Variants in CTNND2 observed in about 807,000 individuals in gnomAD.
The protein encoded by CTNND2 is catenin delta-2.
In CTNND2, 22 loss-of-function variants were observed where a neutral mutation model predicts 144.4. That is an observed-to-expected ratio of 0.15 (90% CI 0.11 to 0.22). CTNND2 has a LOEUF of 0.22. CTNND2 is among the 10% of genes least tolerant of loss of function. CTNND2 has a pLI of 1.00. For missense variants in CTNND2, 1,353 were observed against 1,618.8 expected (o/e 0.84, Z 2.82); for synonymous variants, 751 against 695.6 (o/e 1.08, Z -1.25).
intron 1 of CTNND2, among the ~76,000 whole-genome samples, chr5:11,829,048 T>C (rs556723447): frequency 6.6e-6 from 1 of 152,248 alleles, no homozygotes; most frequent in South Asian, 2.1e-4. Context: ...TAGAGATTTG[T>C]GGAACTTCGA....
chr5:11,029,190 G>A (rs1743186450), intron 16 of CTNND2, among the ~76,000 whole-genome samples: 1 of 152,150 alleles, frequency 6.6e-6, no homozygotes, highest in African/African-American at 2.4e-5. Context: ...TCTAAAGTAA[G>A]TTTTTTGTAG....
intron 3 of CTNND2, among the ~76,000 whole-genome samples, chr5:11,484,476 A>G (rs1768607391): frequency 1.3e-5 from 2 of 152,224 alleles, no homozygotes; most frequent in Admixed American, 6.5e-5. Context: ...ATATCCCTTT[A>G]GAGACAGCAC....
chr5:11,573,764 C>G (rs918267377), intron 2 of CTNND2, among the ~76,000 whole-genome samples: 1 of 152,136 alleles, frequency 6.6e-6, no homozygotes, highest in Non-Finnish European at 1.5e-5. Flanking sequence ...TCATAAGCAC[C>G]TTTCCAGAAC....
At chr5:11,299,888 T>C (rs1355055631) in intron 9 of CTNND2, among the ~76,000 whole-genome samples, 1 of 152,184 alleles carries the variant, frequency 6.6e-6, no homozygotes, top group Admixed American at 6.5e-5. Flanking sequence ...CAAAGGCAGG[T>C]AGCACCAGTG....
At chr5:11,101,439 C>T (rs1181254947) in intron 14 of CTNND2, among the ~76,000 whole-genome samples, 1 of 152,094 alleles carries the variant, frequency 6.6e-6, no homozygotes, top group Non-Finnish European at 1.5e-5. Context: ...TTTTGAGGCT[C>T]GAATGTGAAG....
intron 1 of CTNND2, among the ~76,000 whole-genome samples, chr5:11,758,473 C>T (rs1288339684): frequency 6.6e-6 from 1 of 151,884 alleles, no homozygotes; most frequent in Admixed American, 6.6e-5. Context: ...AACTTTGCAC[C>T]TCTTGACCAA....
Position 11,754,098 on chromosome 5 carries a change from T to C in CTNND2, c.38-21826A>G, listed in dbSNP as rs143013310. On this transcript the variant is annotated intron_variant, in intron 1 of 21. Coordinates refer to ENST00000304623, the MANE Select transcript of CTNND2 (RefSeq NM_001332.4). ...ATTAATCTAGCTAGTGGTATATCAATCTTATTTATTCTTTCAAATAACTAC... is the reference window on the plus strand; with the variant it reads ...ATTAATCTAGCTAGTGGTATATCAACCTTATTTATTCTTTCAAATAACTAC... 5.4e-4 allele frequency among the ~76,000 whole-genome samples: 82 copies of C among 151,664 alleles called. No homozygotes were observed. In the East Asian group the frequency reaches 0.01, roughly 19 times the overall value.
intron 3 of CTNND2, among the ~76,000 whole-genome samples, chr5:11,552,074 G>A (rs905711036): frequency 1.3e-5 from 2 of 152,114 alleles, no homozygotes; most frequent in African/African-American, 2.4e-5. Flanking sequence ...TGCTGCCTCT[G>A]TCTTTATTTG....
intron 1 of CTNND2, among the ~76,000 whole-genome samples, chr5:11,883,257 G>A (rs931768570): frequency 4.6e-5 from 7 of 152,042 alleles, no homozygotes; most frequent in South Asian, 2.1e-4. Flanking sequence ...AGGTATACAC[G>A]TGACATGGTG....
At chr5:11,564,783 T>G (rs777901175) in intron 3 of CTNND2, among the ~76,000 whole-genome samples, 161 bp downstream of exon 3, 1 of 152,270 alleles carries the variant, frequency 6.6e-6, no homozygotes, top group East Asian at 1.9e-4. Context: ...CAGGACATTT[T>G]GGACACCTTT....
At chr5:11,099,173 C>T (rs183285011) in intron 14 of CTNND2, among the ~76,000 whole-genome samples, 1 of 152,282 alleles carries the variant, frequency 6.6e-6, no homozygotes, top group African/African-American at 2.4e-5. Context: ...CAAATGCCCT[C>T]ACTTCTTATG....
chr5:11,151,155 G>A (rs956566952), intron 12 of CTNND2, among the ~76,000 whole-genome samples: 4 of 152,198 alleles, frequency 2.6e-5, no homozygotes, highest in Non-Finnish European at 5.9e-5. Context: ...TTTGAAATGG[G>A]AAAGAATAAA....
intron 12 of CTNND2, among the ~76,000 whole-genome samples, chr5:11,133,676 T>A (rs1755839875): frequency 1.3e-5 from 2 of 152,208 alleles, no homozygotes; most frequent in South Asian, 4.1e-4. Context: ...TGAAAGAAAT[T>A]TCTGGAAGGC....
At chr5:11,356,130 T>G (rs1373203715) in intron 8 of CTNND2, among the ~76,000 whole-genome samples, 1 of 152,106 alleles carries the variant, frequency 6.6e-6, no homozygotes, top group African/African-American at 2.4e-5. Context: ...CACAAAGTGA[T>G]CTACAGATTT....
At chr5:11,613,327 G>A (rs1013592586) in intron 2 of CTNND2, among the ~76,000 whole-genome samples, 4 of 152,264 alleles carry the variant, frequency 2.6e-5, no homozygotes, top group Non-Finnish European at 5.9e-5. Context: ...ACTTATTGAA[G>A]CTTAAATTAA....
chr5:11,077,885 AAAG>A (rs749359758), intron 16 of CTNND2, among the ~76,000 whole-genome samples: 1 of 152,210 alleles, frequency 6.6e-6, no homozygotes, highest in Non-Finnish European at 1.5e-5. Context: ...CATACGAGTC[AAAG>A]AAGACGCCAA....
Position 11,637,035 on chromosome 5 carries a change from A to G in CTNND2, c.175-71979T>C, listed in dbSNP as rs146312696. Among the ~76,000 whole-genome samples the G allele has an allele frequency of 5.0e-3, 759 of 152,342 alleles. 3 individuals are homozygous for G. Among genetic ancestry groups the G allele is most frequent in the African/African-American group, 0.017 (713 of 41,574 alleles). ...GAAAAGGAGTTATTACCTCAAGTAGATGGCAATTTCAGAATGGCAATTATA... is the reference window on the plus strand; with the variant it reads ...GAAAAGGAGTTATTACCTCAAGTAGGTGGCAATTTCAGAATGGCAATTATA... On this transcript the variant is annotated intron_variant, in intron 2 of 21. Coordinates refer to ENST00000304623, the MANE Select transcript of CTNND2 (RefSeq NM_001332.4).
intron 2 of CTNND2, among the ~76,000 whole-genome samples, chr5:11,685,656 G>T (rs1007415601): frequency 6.6e-6 from 1 of 152,134 alleles, no homozygotes; most frequent in African/African-American, 2.4e-5. Flanking sequence ...AATTCTTTAA[G>T]TTAAATTCCA....
intron 2 of CTNND2, among the ~76,000 whole-genome samples, chr5:11,650,568 T>G (rs1782596319): frequency 1.3e-5 from 2 of 152,138 alleles, no homozygotes; most frequent in Admixed American, 1.3e-4. Context: ...GTGTTGAACT[T>G]TCTAGAGATT....
Sources: allele counts gnomAD v4.1 joint callset (sites outside exome capture counted in the v4.1 genomes callset), GRCh38; gene constraint gnomAD v4.1.1; transcripts MANE v1.5; gene names NCBI Gene and HGNC (gene_info 2026-07-23, HGNC 2026-07-21).